Variants in DNAH10 observed in about 807,000 individuals in gnomAD.
The protein encoded by DNAH10 is axonemal beta dynein heavy chain 10.
A neutral mutation model predicts 506.6 loss-of-function variants in DNAH10; 348 were observed. That is an observed-to-expected ratio of 0.69 (90% CI 0.63 to 0.75). The LOEUF is 0.75. DNAH10 is among the 30% of genes least tolerant of loss of function. The probability of loss-of-function intolerance (pLI) is 0.00; values close to 1 mark genes in which losing one functional copy is unlikely to be tolerated. For synonymous variants in DNAH10, 2,059 were observed against 2,198.6 expected, an observed-to-expected ratio of 0.94 and a Z score of 1.78; for missense variants, 5,179 against 5,787.1, an observed-to-expected ratio of 0.89 and a Z score of 3.41.
chr12:123,765,840 T>TCTATCTACCTAC (rs1957023707), intron 1 of DNAH10, among the ~76,000 whole-genome samples: 1 of 147,780 alleles, frequency 6.8e-6, no homozygotes, highest in African/African-American at 2.6e-5. Context: ...TATCTATATA[T>TCTATCTACCTAC]CTATCTACCT....
At chr12:123,874,079 G>T (rs957464951) in intron 46 of DNAH10, among the ~76,000 whole-genome samples, 1 of 152,168 alleles carries the variant, frequency 6.6e-6, no homozygotes, top group African/African-American at 2.4e-5. Flanking sequence ...CCCTTCCCAA[G>T]AATTCCGCTG....
Position 123,879,254 on chromosome 12 carries a change from C to T in DNAH10, c.8373-10C>T. 6.4e-7 allele frequency: 1 copy of T among 1,564,508 alleles called. No individual in the cohort carries two copies. Among genetic ancestry groups the T allele is most frequent in the East Asian group, 2.4e-5 (1 of 42,128 alleles). On this transcript the variant is annotated splice_polypyrimidine_tract_variant and intron_variant, in intron 48 of 78. Coordinates refer to ENST00000673944, the MANE Select transcript of DNAH10 (RefSeq NM_001372106.1). Reference sequence around the variant, plus strand: ...CTTCCTGGCTGATTTTTGTCCCTTCCATTCTGCAGATTCCAGACGGTGGCC... The same window carrying T: ...CTTCCTGGCTGATTTTTGTCCCTTCTATTCTGCAGATTCCAGACGGTGGCC...
In DNAH10 at chr12:123,788,002, G is replaced by C; in HGVS notation, c.1620G>C (p.Gln540His). Residue 540 changes from glutamine (Q) to histidine (H), a missense_variant and splice_region_variant, in exon 10 of 79, where the codon CAG becomes CAC. Around this residue, in one of 3 missense-constraint regions of DNAH10, gnomAD observed 4,844 missense variants for 5,430.5 expected, o/e 0.89. Coordinates refer to ENST00000673944, the MANE Select transcript of DNAH10 (RefSeq NM_001372106.1). The stretch of plus-strand genomic sequence containing the variant: ...GCCAGGACCTCTCCGACGTTCTGCA[G>C]GTAGGGGCTGGGCGAAGGCCGGCGG... ...TICQDLSDVL[Q>H]ILEEFYNIFG... 1 of 1,562,168 alleles carries C rather than the reference G, an allele frequency of 6.4e-7. No individual in the cohort carries two copies. The highest frequency in any genetic ancestry group is 8.7e-7 in the Non-Finnish European group (1 of 1,152,554).
intron 56 of DNAH10, among the ~76,000 whole-genome samples, chr12:123,901,474 C>T (rs1196713698): frequency 6.6e-6 from 1 of 152,186 alleles, no homozygotes; most frequent in East Asian, 1.9e-4. Flanking sequence ...TTGCACGCTG[C>T]AAGTGCCAGT....
intron 24 of DNAH10, among the ~76,000 whole-genome samples, chr12:123,824,216 G>T (rs933887860): frequency 6.6e-6 from 1 of 152,126 alleles, no homozygotes; most frequent in Non-Finnish European, 1.5e-5. Context: ...GTAAGAGCAA[G>T]AGAACAAGGA....
intron 51 of DNAH10, among the ~76,000 whole-genome samples, chr12:123,883,821 A>G (rs781181199): frequency 1.7e-4 from 26 of 152,098 alleles, no homozygotes; most frequent in Non-Finnish European, 3.7e-4. Flanking sequence ...AACAATAGTG[A>G]TTCTTATTCC....
intron 3 of DNAH10, among the ~76,000 whole-genome samples, chr12:123,772,538 T>C (rs1486024528): frequency 6.6e-6 from 1 of 152,226 alleles, no homozygotes; most frequent in Non-Finnish European, 1.5e-5. Context: ...CATTGCTTCA[T>C]AAGTACGTCC....
chr12:123,778,005 A>G (rs943578577), intron 5 of DNAH10, among the ~76,000 whole-genome samples: 8 of 152,060 alleles, frequency 5.3e-5, no homozygotes, highest in African/African-American at 1.9e-4. Flanking sequence ...TTCATTCTAA[A>G]ATAACAAAAT....
At chr12:123,933,080 T>C (rs1452283487) in intron 76 of DNAH10, among the ~76,000 whole-genome samples, 1 of 152,260 alleles carries the variant, frequency 6.6e-6, no homozygotes, top group Non-Finnish European at 1.5e-5. Flanking sequence ...CTCCACGATA[T>C]GAAAGCATTC....
chr12:123,832,328 C>T (rs564180798), intron 26 of DNAH10, among the ~76,000 whole-genome samples: 22 of 152,100 alleles, frequency 1.4e-4, no homozygotes, highest in African/African-American at 5.1e-4. Flanking sequence ...TGCACACGTA[C>T]ATATAATGTA....
At chr12:123,780,490 T>G (rs1957605976) in intron 5 of DNAH10, among the ~76,000 whole-genome samples, 1 of 151,796 alleles carries the variant, frequency 6.6e-6, no homozygotes, top group Non-Finnish European at 1.5e-5. Context: ...TTGTAACTTC[T>G]CAGTTACTGG....
intron 14 of DNAH10, among the ~76,000 whole-genome samples, 165 bp downstream of exon 14, chr12:123,799,536 C>A (rs970612276): frequency 6.6e-6 from 1 of 151,958 alleles, no homozygotes; most frequent in Non-Finnish European, 1.5e-5. Context: ...GGAGATGGCA[C>A]GATGCCATGG....
At position 123,929,687 on chromosome 12, in the gene DNAH10, G is replaced by A. The variant is rs1280000868; in HGVS notation, c.12540G>A (p.Thr4180=). The A allele has an allele frequency of 1.6e-5, 26 of 1,613,450 alleles. No individual in the cohort carries two copies. The highest frequency in any genetic ancestry group is 2.2e-5 in the South Asian group (2 of 90,912). ...DFQVCMEILN[T]YLTKAFQQRD... ...AGGTCTGCATGGAAATTCTGAACACGTACTTAACGAAAGCCTTCCAGCAAC... is the reference window on the plus strand; with the variant it reads ...AGGTCTGCATGGAAATTCTGAACACATACTTAACGAAAGCCTTCCAGCAAC... Residue 4180 remains threonine, a synonymous_variant, in exon 72 of 79, where the codon ACG becomes ACA. Coordinates refer to ENST00000673944, the MANE Select transcript of DNAH10 (RefSeq NM_001372106.1).
At chr12:123,868,663 A>G (rs148812223) in intron 43 of DNAH10, among the ~76,000 whole-genome samples, 276 of 152,358 alleles carry the variant, frequency 1.8e-3, no homozygotes, top group African/African-American at 6.2e-3. Context: ...TCCAAGGTCT[A>G]TATGCAATGG....
chr12:123,873,758 G>A, intron 46 of DNAH10, 48 bp downstream of exon 46: 1 of 1,546,598 alleles, frequency 6.5e-7, no homozygotes. Context: ...GACAGTGCTT[G>A]TGTTTGCATG....
At chr12:123,893,705 A>G (rs1025840069) in intron 53 of DNAH10, among the ~76,000 whole-genome samples, 3 of 151,954 alleles carry the variant, frequency 2.0e-5, no homozygotes, top group East Asian at 3.9e-4. Flanking sequence ...GCTTCCTTCC[A>G]TTTGGGAAAA....
At chr12:123,827,588 C>G (rs1264323575) in intron 25 of DNAH10, among the ~76,000 whole-genome samples, 4 of 152,126 alleles carry the variant, frequency 2.6e-5, no homozygotes, top group Admixed American at 2.0e-4. Context: ...AGTTACAGTC[C>G]TCATTTGTGA....
intron 66 of DNAH10, 35 bp downstream of exon 66, chr12:123,923,902 C>T: frequency 6.9e-7 from 1 of 1,450,834 alleles, no homozygotes. Flanking sequence ...CCTCCCATCT[C>T]CTTGCCCACA....
chr12:123,808,990 C>CCTCCGTCTG, intron 19 of DNAH10, 37 bp downstream of exon 19: 2 of 1,610,758 alleles, frequency 1.2e-6, no homozygotes, highest in African/African-American at 1.3e-5. Flanking sequence ...GCTCAGACGG[C>CCTCCGTCTG]ATCTCAGGAT....
Sources: gnomAD v4.1 joint callset for allele counts (sites outside exome capture counted in the v4.1 genomes callset) on GRCh38, gnomAD v4.1.1 for gene constraint, gnomAD v4.1.1 regional missense constraint, MANE v1.5 for transcripts, NCBI Gene and HGNC (gene_info 2026-07-23, HGNC 2026-07-21) for gene names.